Variants in MGAT4C observed in about 807,000 individuals in gnomAD.
MGAT4C encodes MGAT4 family member C.
In MGAT4C, 19 loss-of-function variants were observed where a neutral mutation model predicts 40.1. The observed-to-expected ratio is 0.47, with a 90% CI of 0.33 to 0.70. The LOEUF is 0.70. MGAT4C is among the 30% of genes least tolerant of loss of function. MGAT4C has a pLI of 0.02. For missense variants in MGAT4C, 491 were observed against 563.2 expected, an observed-to-expected ratio of 0.87 and a Z score of 1.30; for synonymous variants, 181 against 187.1, an observed-to-expected ratio of 0.97 and a Z score of 0.27.
At chr12:86,097,705 T>C (rs1182418233) in intron 1 of MGAT4C, among the ~76,000 whole-genome samples, 1 of 151,606 alleles carries the variant, frequency 6.6e-6, no homozygotes, top group Non-Finnish European at 1.5e-5. Flanking sequence ...TGTGTTTAAG[T>C]ACTTTTAATT....
At chr12:86,558,206 T>C (rs1368715750) in intron 2 of MGAT4C, among the ~76,000 whole-genome samples, 7 of 152,076 alleles carry the variant, frequency 4.6e-5, no homozygotes, top group African/African-American at 1.7e-4. Context: ...ATATGACATA[T>C]ATGACATCAT....
chr12:86,739,370 T>A (rs964665904), intron 1 of MGAT4C, among the ~76,000 whole-genome samples: 2 of 150,846 alleles, frequency 1.3e-5, no homozygotes, highest in African/African-American at 4.8e-5. Context: ...ATTTATATAT[T>A]CAGATATAAA....
intron 2 of MGAT4C, among the ~76,000 whole-genome samples, chr12:86,712,951 A>G (rs1230816802): frequency 6.6e-6 from 1 of 152,118 alleles, no homozygotes; most frequent in Non-Finnish European, 1.5e-5. Flanking sequence ...CATTTCATGG[A>G]TAGAAATTTT....
chr12:86,778,185 GA>G (rs756936077), intron 1 of MGAT4C, among the ~76,000 whole-genome samples: 1 of 152,104 alleles, frequency 6.6e-6, no homozygotes, highest in Non-Finnish European at 1.5e-5. Context: ...AATGTATTTA[GA>G]ACATCAGGAT....
intron 2 of MGAT4C, among the ~76,000 whole-genome samples, chr12:86,575,846 T>C (rs970015644): frequency 2.0e-5 from 3 of 151,878 alleles, no homozygotes; most frequent in Non-Finnish European, 4.4e-5. Context: ...TGTCCCCATT[T>C]CTCCAATCCT....
chr12:86,290,195 C>T (rs954495889), intron 4 of MGAT4C, among the ~76,000 whole-genome samples: 9 of 152,150 alleles, frequency 5.9e-5, no homozygotes, highest in South Asian at 2.1e-4. Context: ...TACAGGCATG[C>T]GCCACTGTGC....
At chr12:86,309,702 A>G (rs945675964) in intron 4 of MGAT4C, among the ~76,000 whole-genome samples, 9 of 152,308 alleles carry the variant, frequency 5.9e-5, no homozygotes, top group Admixed American at 2.0e-4. Flanking sequence ...CAAAATATAG[A>G]TTTTTCTAAA....
intron 2 of MGAT4C, among the ~76,000 whole-genome samples, chr12:86,473,781 T>C (rs889315194): frequency 6.6e-5 from 10 of 152,228 alleles, no homozygotes; most frequent in Non-Finnish European, 1.2e-4. Flanking sequence ...TCATTTTTGC[T>C]TTAATGAATA....
chr12:86,156,911 A>T (rs1283753539), intron 1 of MGAT4C, among the ~76,000 whole-genome samples: 1 of 152,104 alleles, frequency 6.6e-6, no homozygotes, highest in Non-Finnish European at 1.5e-5. Context: ...AATTTTTTTT[A>T]AATAAAGCTA....
At chr12:86,397,269 A>T (rs188900701) in intron 3 of MGAT4C, among the ~76,000 whole-genome samples, 89 of 152,268 alleles carry the variant, frequency 5.8e-4, no homozygotes, top group Admixed American at 3.7e-3. Flanking sequence ...TGTATGAAGT[A>T]AAAGAATGGC....
intron 2 of MGAT4C, among the ~76,000 whole-genome samples, chr12:86,501,243 T>C (rs960180618): frequency 1.3e-5 from 2 of 152,148 alleles, no homozygotes; most frequent in Non-Finnish European, 2.9e-5. Context: ...GAAATGTTTC[T>C]AGAAGATAAC....
chr12:86,345,553 G>T (rs1955011450), intron 3 of MGAT4C, among the ~76,000 whole-genome samples: 2 of 151,824 alleles, frequency 1.3e-5, no homozygotes, highest in South Asian at 2.1e-4. Flanking sequence ...GCAATAGTTT[G>T]CTGAGAATGA....
chr12:86,454,753 G>A (rs182061847), intron 2 of MGAT4C, among the ~76,000 whole-genome samples: 75 of 152,172 alleles, frequency 4.9e-4, no homozygotes, highest in African/African-American at 1.7e-3. Flanking sequence ...TAATAACAGC[G>A]ATAGCAGTTT....
intron 3 of MGAT4C, among the ~76,000 whole-genome samples, chr12:86,384,878 C>T (rs1036042595): frequency 1.3e-5 from 2 of 152,164 alleles, no homozygotes; most frequent in African/African-American, 4.8e-5. Flanking sequence ...TGCTCCTTTG[C>T]CACTATGGAT....
intron 1 of MGAT4C, among the ~76,000 whole-genome samples, chr12:86,200,243 T>C (rs1950000877): frequency 6.6e-6 from 1 of 151,504 alleles, no homozygotes; most frequent in Admixed American, 6.6e-5. Context: ...ATTATTGCAT[T>C]GCATTTTATG....
chr12:86,673,701 T>C (rs965485528), intron 2 of MGAT4C, among the ~76,000 whole-genome samples: 11 of 152,144 alleles, frequency 7.2e-5, no homozygotes, highest in African/African-American at 2.7e-4. Context: ...ATTTCCTAGT[T>C]ATAATCCTCA....
At chr12:86,696,250 A>G (rs2086381100) in intron 2 of MGAT4C, among the ~76,000 whole-genome samples, 1 of 152,150 alleles carries the variant, frequency 6.6e-6, no homozygotes, top group Admixed American at 6.6e-5. Context: ...TTTGTAGCAC[A>G]AAGAATAAAT....
chr12:86,109,616 G>T (rs1225131472), intron 1 of MGAT4C, among the ~76,000 whole-genome samples: 1 of 151,912 alleles, frequency 6.6e-6, no homozygotes, highest in Non-Finnish European at 1.5e-5. Flanking sequence ...GATGATAACT[G>T]TTTACAAGCA....
At chr12:86,569,501 T>G (rs1960276353) in intron 2 of MGAT4C, among the ~76,000 whole-genome samples, 1 of 152,104 alleles carries the variant, frequency 6.6e-6, no homozygotes, top group Admixed American at 6.6e-5. Flanking sequence ...TTAGAATGGC[T>G]GGGGAATTGT....
Sources: gnomAD v4.1 joint callset for allele counts (sites outside exome capture counted in the v4.1 genomes callset) on GRCh38, gnomAD v4.1.1 for gene constraint, MANE v1.5 for transcripts, NCBI Gene and HGNC (gene_info 2026-07-23, HGNC 2026-07-21) for gene names.